URB1: variants seen among roughly 807,000 people sequenced by gnomAD.
URB1 encodes nucleolar pre-ribosomal-associated protein 1.
URB1 carries 197 observed loss-of-function variants against 242.3 expected under a neutral mutation model. The ratio of observed to expected loss-of-function variants is 0.81; its 90% confidence interval spans 0.72 to 0.91. The LOEUF (loss-of-function observed/expected upper bound fraction) is 0.91. Ranked by LOEUF, URB1 falls within the 40% of genes least tolerant of loss-of-function variation. The pLI is 0.00. For synonymous variants in URB1, 1,153 were observed against 1,201.8 expected (o/e 0.96, Z 0.84); for missense variants, 2,721 against 2,860.5 (o/e 0.95, Z 1.11).
intron 4 of URB1, among the ~76,000 whole-genome samples, chr21:32,382,479 T>C (rs1249955843): frequency 1.3e-5 from 2 of 152,122 alleles, no homozygotes; most frequent in African/African-American, 4.8e-5. Context: ...AAAAGCTACT[T>C]GGTATTATCA....
chr21:32,345,415 G>A lies in URB1; in HGVS notation c.4029C>T (p.Asp1343=). The change falls in exon 23 of 39, where the codon GAC becomes GAT. Residue 1343 remains aspartate (D), a synonymous_variant. Coordinates refer to ENST00000382751, the MANE Select transcript of URB1 (RefSeq NM_014825.3). ...GGGTGTGAAGCAAGCTGGGCAGGCG[G>A]TCCATGAGTACACTGAGATCCTTGG... is the stretch of plus-strand genomic sequence containing the variant. ...ARAKDLSVLM[D]RLPSLLHTPS... The A allele has an allele frequency of 6.4e-7, 1 of 1,551,476 alleles. No individual in the cohort carries two copies. Among genetic ancestry groups the A allele is most frequent in the Non-Finnish European group, 8.7e-7 (1 of 1,146,956 alleles).
Position 32,349,435 on chromosome 21 carries a change from G to A in URB1, c.2881C>T (p.Leu961Phe). The change falls in exon 21 of 39, where the codon CTC becomes TTC. Residue 961 changes from leucine (L) to phenylalanine (F), a missense_variant. By Grantham distance (22) the Leu-to-Phe change is conservative (BLOSUM62 0). Transcript: ENST00000382751. ...PPLLQLFLDL[L>F]RRLVVHCEQL... ...TCACAGTGGACAACCAGGCGCCTGAGGAGATCCAGGAAGAGCTGCAGGAGG... is the reference window on the plus strand; with the variant it reads ...TCACAGTGGACAACCAGGCGCCTGAAGAGATCCAGGAAGAGCTGCAGGAGG... The A allele has an allele frequency of 6.4e-7, 1 of 1,551,340 alleles. No homozygotes were observed. The highest frequency in any genetic ancestry group is 8.7e-7 in the Non-Finnish European group (1 of 1,146,932).
chr21:32,324,670 G>A (rs941245297), intron 31 of URB1, 68 bp from the exon 32 acceptor site: 3 of 1,252,160 alleles, frequency 2.4e-6, no homozygotes, highest in Non-Finnish European at 3.4e-6. Flanking sequence ...GTCCTCTCTG[G>A]TGCAGCCGAA....
chr21:32,375,463 TA>T lies in URB1; in HGVS notation c.684del (p.Phe228LeufsTer5). 6.5e-7 allele frequency: 1 copy of T among 1,527,936 alleles called. No individual in the cohort carries two copies. The highest frequency in any genetic ancestry group is 8.8e-7 in the Non-Finnish European group (1 of 1,135,760). The allele number at this position is 1,527,936 out of a possible 1,614,324, so 94.6% of individuals were successfully genotyped here. ...LEVKEFIPCIFSSGIKEDRIS... is the reference protein window; with the variant it reads ...LEVKEFIPCIXSSGIKEDRIS... Reference sequence around the variant, plus strand: ...ATCCTATCTTCCTTTATCCCTGAGCTAAAAATGCAAGGAATAAATTCTGAAA... The same window carrying T: ...ATCCTATCTTCCTTTATCCCTGAGCTAAAATGCAAGGAATAAATTCTGAAA... On this transcript the variant is annotated frameshift_variant, in exon 6 of 39. Coordinates refer to ENST00000382751, the MANE Select transcript of URB1 (RefSeq NM_014825.3). LOFTEE classifies it high-confidence loss of function.
At chr21:32,385,506 T>TTTAACC in intron 2 of URB1, 39 bp downstream of exon 2, 1 of 1,535,998 alleles carries the variant, frequency 6.5e-7, no homozygotes. Flanking sequence ...CAGCATTAAC[T>TTTAACC]TTTCTTCTCT....
chr21:32,373,499 G>A, intron 7 of URB1, 148 bp downstream of exon 7: 4 of 863,510 alleles, frequency 4.6e-6, no homozygotes, highest in Non-Finnish European at 6.4e-6. Context: ...GTTAGCAGAG[G>A]GTTAATACAA....
Position 32,316,650 on chromosome 21 carries a change from G to T in URB1, c.6450C>A (p.Phe2150Leu). 6.4e-7 allele frequency: 1 copy of T among 1,551,562 alleles called. No individual in the cohort carries two copies. Among genetic ancestry groups the T allele is most frequent in the Non-Finnish European group, 8.7e-7 (1 of 1,146,980 alleles). Residue 2150 changes from phenylalanine (F) to leucine (L), a missense_variant, in exon 38 of 39, where the codon TTC becomes TTA. By Grantham distance (22) the Phe-to-Leu change is conservative. Coordinates refer to ENST00000382751, the MANE Select transcript of URB1 (RefSeq NM_014825.3). ...CCCCACAGAGCCGGCTATACAGCCT[G>T]AATATGCTGCTCCTCACGGCACTGT... ...LKDSAVRSSI[F>L]RLYSRLCGAE...
intron 4 of URB1, among the ~76,000 whole-genome samples, chr21:32,380,868 C>A (rs949048310): frequency 1.9e-4 from 29 of 152,318 alleles, no homozygotes; most frequent in African/African-American, 7.0e-4. Context: ...AATGCTGGTC[C>A]AGGTTTTCTG....
At position 32,353,915 on chromosome 21, in the gene URB1, C is replaced by A; in HGVS notation, c.2416+18G>T. The A allele has an allele frequency of 6.4e-7, 1 of 1,550,740 alleles. No homozygotes were observed. Among genetic ancestry groups the A allele is most frequent in the South Asian group, 1.2e-5 (1 of 83,896 alleles). The stretch of plus-strand genomic sequence containing the variant: ...GCCGGCCAGGTGCAGCCAAGACATC[C>A]TGACTATACATAGGTACCTGCTTCA... On this transcript the variant is annotated intron_variant, in intron 18 of 38. Coordinates refer to ENST00000382751, the MANE Select transcript of URB1 (RefSeq NM_014825.3).
intron 20 of URB1, among the ~76,000 whole-genome samples, chr21:32,350,289 C>T (rs751988950): frequency 2.6e-5 from 4 of 152,178 alleles, no homozygotes; most frequent in Non-Finnish European, 5.9e-5. Flanking sequence ...CAAAAATTAG[C>T]TGGGAATGGT....
chr21:32,357,269 C>T (rs1053942262), intron 15 of URB1, among the ~76,000 whole-genome samples: 1 of 148,892 alleles, frequency 6.7e-6, no homozygotes, highest in East Asian at 2.0e-4. Flanking sequence ...CACCAAGAAG[C>T]CAAAATTTAG....
At chr21:32,357,099 A>G (rs577585229) in intron 15 of URB1, among the ~76,000 whole-genome samples, 1 of 152,374 alleles carries the variant, frequency 6.6e-6, no homozygotes, top group African/African-American at 2.4e-5. Context: ...CTCTGGAAAC[A>G]TGAGTATCAA....
intron 30 of URB1, chr21:32,333,028 T>G (rs2032914131): frequency 2.6e-6 from 1 of 378,558 alleles, no homozygotes; most frequent in African/African-American, 2.1e-5. Flanking sequence ...CTAATAAAAA[T>G]GCAGAAAATG....
chr21:32,326,031 C>G (rs1416160519), intron 30 of URB1, among the ~76,000 whole-genome samples: 1 of 151,698 alleles, frequency 6.6e-6, no homozygotes, highest in African/African-American at 2.4e-5. Context: ...CCGAGAGAAG[C>G]TGACAATCAC....
chr21:32,324,681 C>G (rs1463567863), intron 31 of URB1, 79 bp from the exon 32 acceptor site: 3 of 1,121,796 alleles, frequency 2.7e-6, no homozygotes, highest in Non-Finnish European at 3.9e-6. Context: ...TGCAGCCGAA[C>G]CAGGGCTCGG....
chr21:32,351,848 C>T lies in URB1; in HGVS notation c.2613+862G>A, dbSNP rs540979987. On this transcript the variant is annotated intron_variant, in intron 19 of 38. Coordinates refer to ENST00000382751, the MANE Select transcript of URB1 (RefSeq NM_014825.3). ...AAGGTGGCAACATTATGGGTCAGGG[C>T]TCTGGAGCCAGACTGCCTGGGCCAA... Among the ~76,000 whole-genome samples the T allele has an allele frequency of 2.0e-5, 3 of 152,314 alleles. No homozygotes were observed. In the South Asian group the frequency reaches 6.2e-4, roughly 32 times the overall value.
chr21:32,376,472 A>T (rs2033459927), intron 5 of URB1, among the ~76,000 whole-genome samples: 1 of 152,226 alleles, frequency 6.6e-6, no homozygotes, highest in South Asian at 2.1e-4. Flanking sequence ...AATAAGTCAA[A>T]GCTTCAGTAC....
chr21:32,333,455 A>G, intron 29 of URB1, 36 bp from the exon 30 acceptor site: 1 of 1,493,918 alleles, frequency 6.7e-7, no homozygotes, highest in Non-Finnish European at 9.1e-7. Context: ...CGTGTGATTC[A>G]ACCTCACAAA....
intron 35 of URB1, 124 bp from the exon 36 acceptor site, chr21:32,319,538 G>A: frequency 3.9e-6 from 4 of 1,029,490 alleles, no homozygotes; most frequent in Non-Finnish European, 1.3e-6. Context: ...AGTAAAAACA[G>A]GGTGCTTGCT....
Sources: gnomAD v4.1 joint callset for allele counts (sites outside exome capture counted in the v4.1 genomes callset) on GRCh38, gnomAD v4.1.1 for gene constraint, MANE v1.5 for transcripts, NCBI Gene and HGNC (gene_info 2026-07-23, HGNC 2026-07-21) for gene names.